The following FSD1 variants were observed in gnomAD, a reference collection of about 807,000 sequenced individuals.
FSD1 encodes fibronectin type III and SPRY domain-containing protein 1.
A neutral mutation model predicts 58.2 loss-of-function variants in FSD1; 23 were observed. That is an observed-to-expected ratio of 0.40 (90% CI 0.28 to 0.56). FSD1 has a LOEUF of 0.56. Ranked by LOEUF, FSD1 falls within the 20% of genes least tolerant of loss-of-function variation. FSD1 has a pLI of 0.54. For synonymous variants in FSD1, 265 were observed against 263.4 expected (o/e 1.01, Z -0.06); for missense variants, 563 against 670.8 (o/e 0.84, Z 1.78).
chr19:4,314,517 C>T (rs147290095), intron 7 of FSD1, among the ~76,000 whole-genome samples: 71 of 148,280 alleles, frequency 4.8e-4, no homozygotes, highest in African/African-American at 1.6e-3. Flanking sequence ...GATGGAGTCT[C>T]GCTTTGTCGC....
rs1971736070 is a variant in FSD1 at position 4,323,807 on chromosome 19, C to T, written c.*164C>T. ...GCACCCTGGCGGGCCCTCTCCCCAC[C>T]TCACCTCTTAATAAAGGTCAGACAC... On this transcript the variant is annotated 3_prime_UTR_variant, in exon 13 of 13. Coordinates refer to ENST00000221856, the MANE Select transcript of FSD1 (RefSeq NM_024333.3). This position sits in a 1 kb window ranked among gnomAD's most constrained non-coding sequence, Gnocchi z 7.7. 4.8e-6 allele frequency: 3 copies of T among 620,636 alleles called. No homozygotes were observed. Among genetic ancestry groups the T allele is most frequent in the East Asian group, 5.5e-5 (2 of 36,464 alleles). 38.4% of individuals were successfully genotyped at this position (620,636 alleles called of 1,614,324 possible).
At chr19:4,318,796 C>T in intron 9 of FSD1, 76 bp from the exon 10 acceptor site, 3 of 1,192,396 alleles carry the variant, frequency 2.5e-6, no homozygotes, top group South Asian at 1.2e-5. Flanking sequence ...CTGGGGTGGA[C>T]TAGGGTAGCC....
intron 8 of FSD1, 127 bp from the exon 9 acceptor site, chr19:4,318,219 A>G: frequency 2.5e-6 from 3 of 1,222,952 alleles, no homozygotes; most frequent in South Asian, 1.3e-5. Flanking sequence ...TTGGACTCTT[A>G]TCTCCTTGGC....
In FSD1 at chr19:4,309,782, G is replaced by A. The variant is rs367968083; in HGVS notation, c.346-491G>A. Among the ~76,000 whole-genome samples the A allele has an allele frequency of 3.3e-3, 495 of 151,978 alleles. 3 individuals carry two copies. The highest frequency in any genetic ancestry group is 0.011 in the African/African-American group (470 of 41,432). On this transcript the variant is annotated intron_variant, in intron 4 of 12. Coordinates refer to ENST00000221856, the MANE Select transcript of FSD1 (RefSeq NM_024333.3). ...AAATTAGCTGGGTGTGGTGGCGGGC[G>A]CCTGTAGTCCCAGCTACTCGGGAGG...
intron 1 of FSD1, 127 bp from the exon 2 acceptor site, chr19:4,305,819 C>G: frequency 1.4e-6 from 1 of 717,916 alleles, no homozygotes; most frequent in Admixed American, 2.1e-5. Flanking sequence ...TGTGTGTGCG[C>G]ACGCGTGTGC....
At chr19:4,321,098 G>GGA (rs1418104151) in intron 10 of FSD1, among the ~76,000 whole-genome samples, 3 of 146,576 alleles carry the variant, frequency 2.0e-5, no homozygotes, top group South Asian at 2.2e-4. Context: ...AGGAGTATCT[G>GGA]GGGAAATAGC....
chr19:4,311,791 C>T, intron 6 of FSD1, 51 bp from the exon 7 acceptor site: 1 of 1,571,876 alleles, frequency 6.4e-7, no homozygotes, highest in East Asian at 2.2e-5. Context: ...GCCCCCTGCC[C>T]CCTGAACCAG....
At chr19:4,305,845 T>C in intron 1 of FSD1, 101 bp from the exon 2 acceptor site, 2 of 827,044 alleles carry the variant, frequency 2.4e-6, no homozygotes, top group Non-Finnish European at 4.2e-6. Flanking sequence ...TGTACGTGTG[T>C]GCATGTGTGT....
At chr19:4,317,949 G>A (rs1247150082) in intron 8 of FSD1, among the ~76,000 whole-genome samples, 4 of 152,208 alleles carry the variant, frequency 2.6e-5, no homozygotes, top group Middle Eastern at 3.4e-3. Context: ...CCCAGGAGGC[G>A]GAGGTTGCAA....
intron 3 of FSD1, 98 bp from the exon 4 acceptor site, chr19:4,307,784 G>T (rs765075669): frequency 3.7e-6 from 3 of 818,674 alleles, no homozygotes; most frequent in Non-Finnish European, 5.7e-6. Context: ...AGTTCGAGAA[G>T]GGCATGGTAC....
At chr19:4,304,802 G>A (rs1414316741) in intron 1 of FSD1, 41 bp downstream of exon 1, 3 of 543,174 alleles carry the variant, frequency 5.5e-6, no homozygotes, top group African/African-American at 4.0e-5. Flanking sequence ...AGGGGCGTCG[G>A]GGGCGGGGAA....
Position 4,318,942 on chromosome 19 carries a change from A to T in FSD1, c.1030A>T (p.Thr344Ser), listed in dbSNP as rs554540689. 1.2e-6 allele frequency: 2 copies of T among 1,613,266 alleles called. No individual in the cohort carries two copies. Among genetic ancestry groups the T allele is most frequent in the Non-Finnish European group, 8.5e-7 (1 of 1,179,624 alleles). ...GGACCGCTTCACCGCTGAGTCCTAC[A>T]CAGTTCTGGGTAAGGAAGGGGAGAA... Reference protein sequence around the residue: ...GRDRFTAESYTVLGDTLIDGG... With the variant: ...GRDRFTAESYSVLGDTLIDGG... The change falls in exon 10 of 13, where the codon ACA becomes TCA. Residue 344 changes from threonine (T) to serine (S), a missense_variant. Physicochemically the swap from Thr to Ser is moderately conservative, Grantham distance 58. Transcript: ENST00000221856.
At chr19:4,305,224 A>C (rs1599531563) in intron 1 of FSD1, among the ~76,000 whole-genome samples, 1 of 129,700 alleles carries the variant, frequency 7.7e-6, no homozygotes, top group Non-Finnish European at 1.7e-5. Context: ...CTTCCCCAAG[A>C]CCTCCCTGCC....
At chr19:4,321,427 A>G (rs983790067) in intron 10 of FSD1, among the ~76,000 whole-genome samples, 3 of 123,894 alleles carry the variant, frequency 2.4e-5, no homozygotes, top group Non-Finnish European at 4.9e-5. Flanking sequence ...ACTGAGGAGT[A>G]TCTGTGGAAA....
intron 1 of FSD1, among the ~76,000 whole-genome samples, 168 bp from the exon 2 acceptor site, chr19:4,305,778 C>T (rs902152266): frequency 6.6e-6 from 1 of 152,188 alleles, no homozygotes; most frequent in Admixed American, 6.5e-5. Flanking sequence ...GGCTCACCTG[C>T]CTGCCGTGTG....
At chr19:4,316,607 A>T (rs1421683771) in intron 7 of FSD1, among the ~76,000 whole-genome samples, 2 of 151,500 alleles carry the variant, frequency 1.3e-5, no homozygotes, top group Non-Finnish European at 2.9e-5. Flanking sequence ...CGTGCAGTAC[A>T]AATCTCTGAA....
At chr19:4,311,665 C>T in intron 6 of FSD1, 177 bp from the exon 7 acceptor site, 2 of 586,090 alleles carry the variant, frequency 3.4e-6, no homozygotes, top group Non-Finnish European at 3.0e-6. Context: ...GCCTGGGTGA[C>T]AAGAGCAAGA....
In FSD1 at chr19:4,318,804, G is replaced by T. The variant is rs186114545; in HGVS notation, c.960-68G>T. On this transcript the variant is annotated intron_variant, in intron 9 of 12. Coordinates refer to ENST00000221856, the MANE Select transcript of FSD1 (RefSeq NM_024333.3). ...ACGGTGGCTGGGGTGGACTAGGGTA[G>T]CCTTACCGTGGGAGAGAGAAGTGTT... The T allele has an allele frequency of 3.9e-6, 5 of 1,286,742 alleles. No individual in the cohort carries two copies. The African/African-American group carries it at 7.3e-5, about 19-fold the overall frequency. 79.7% of individuals were successfully genotyped at this position (1,286,742 alleles called of 1,614,324 possible). A position where few individuals can be genotyped will look rare whatever the true frequency, so the allele number is the denominator to read the frequency against.
chr19:4,316,759 A>AT (rs927534956), intron 7 of FSD1, among the ~76,000 whole-genome samples: 9 of 149,118 alleles, frequency 6.0e-5, no homozygotes, highest in African/African-American at 1.7e-4. Context: ...TTTATTTTTT[A>AT]TTTTTTTTGA....
Sources: gnomAD v4.1 joint callset for allele counts (sites outside exome capture counted in the v4.1 genomes callset) on GRCh38, gnomAD v4.1.1 for gene constraint, Gnocchi (gnomAD v3.1) non-coding constraint, MANE v1.5 for transcripts, NCBI Gene and HGNC (gene_info 2026-07-23, HGNC 2026-07-21) for gene names.